HTR2C: variants seen among roughly 807,000 people sequenced by gnomAD.
HTR2C encodes 5-hydroxytryptamine receptor 2C, also known as 5-hydroxytryptamine (serotonin) receptor 2C, G protein-coupled.
HTR2C carries 5 observed loss-of-function variants against 21.0 expected under a neutral mutation model. That is an observed-to-expected ratio of 0.24 (90% confidence interval 0.12 to 0.50). The LOEUF (loss-of-function observed/expected upper bound fraction) is 0.50, where lower values mean the gene tolerates loss of function less well. HTR2C is among the 20% of genes least tolerant of loss of function. The pLI, the probability that HTR2C is intolerant of heterozygous loss-of-function variation, is 0.98. For missense variants in HTR2C, 271 were observed against 371.2 expected (o/e 0.73, Z 2.22); for synonymous variants, 150 against 145.3 (o/e 1.03, Z -0.23).
intron 1 of HTR2C, among the ~76,000 whole-genome samples, chrX:114,606,644 A>G (rs1385231883): frequency 2.7e-5 from 3 of 111,758 alleles, no homozygotes; most frequent in Non-Finnish European, 5.6e-5. Context: ...GAGGCCGTTT[A>G]CCTGATTTAA....
intron 4 of HTR2C, chrX:114,823,492 A>G (rs1042370687): frequency 2.9e-6 from 1 of 346,743 alleles, no homozygotes; most frequent in Non-Finnish European, 5.8e-6. Context: ...CTGCCAGGAA[A>G]TCCCTATTTC....
intron 4 of HTR2C, among the ~76,000 whole-genome samples, chrX:114,788,147 C>A (rs1194824111): frequency 9.0e-6 from 1 of 111,078 alleles, no homozygotes; most frequent in East Asian, 2.8e-4. Flanking sequence ...CCTGTTCCTA[C>A]CCCTGCATTT....
intron 2 of HTR2C, among the ~76,000 whole-genome samples, chrX:114,649,285 G>A (rs891843376): frequency 1.1e-4 from 12 of 112,351 alleles, no homozygotes; most frequent in Non-Finnish European, 1.9e-4. Flanking sequence ...ATAGTTGGGA[G>A]CAGATTTTGT....
At chrX:114,641,329 A>G (rs1228044893) in intron 2 of HTR2C, among the ~76,000 whole-genome samples, 1 of 111,642 alleles carries the variant, frequency 9.0e-6, no homozygotes, top group African/African-American at 3.3e-5. Flanking sequence ...CTGCTTTTGC[A>G]TAGTCCTTAT....
chrX:114,791,045 G>C (rs1274750262), intron 4 of HTR2C, among the ~76,000 whole-genome samples: 1 of 111,470 alleles, frequency 9.0e-6, no homozygotes, highest in African/African-American at 3.2e-5. Context: ...TATTCTTCTA[G>C]CAGTATCAAA....
At chrX:114,789,227 A>C (rs1419563750) in intron 4 of HTR2C, among the ~76,000 whole-genome samples, 1 of 112,358 alleles carries the variant, frequency 8.9e-6, no homozygotes, top group Non-Finnish European at 1.9e-5. Context: ...TAATTTAAAA[A>C]GAAGACTACT....
chrX:114,842,626 A>G (rs2070843356), intron 4 of HTR2C, among the ~76,000 whole-genome samples: 1 of 111,976 alleles, frequency 8.9e-6, no homozygotes, highest in South Asian at 3.7e-4. Flanking sequence ...AATGCTCAGA[A>G]GAAGCCTGGA....
intron 2 of HTR2C, among the ~76,000 whole-genome samples, chrX:114,641,472 G>A (rs1930117333): frequency 9.0e-6 from 1 of 111,095 alleles, no homozygotes; most frequent in Non-Finnish European, 1.9e-5. Context: ...TTTCTGACTA[G>A]CTCTCATAGT....
chrX:114,758,226 G>T (rs1393192959), intron 4 of HTR2C, among the ~76,000 whole-genome samples: 1 of 111,407 alleles, frequency 9.0e-6, no homozygotes, highest in Non-Finnish European at 1.9e-5. Flanking sequence ...GTCTTAAAAG[G>T]AAATAAAAGT....
At chrX:114,845,380 G>A (rs1160920564) in intron 4 of HTR2C, among the ~76,000 whole-genome samples, 1 of 109,651 alleles carries the variant, frequency 9.1e-6, no homozygotes, top group African/African-American at 3.3e-5. Flanking sequence ...GCGCTCAGAG[G>A]GAAATTTATA....
At chrX:114,611,046 A>T (rs1928706598) in intron 1 of HTR2C, among the ~76,000 whole-genome samples, 1 of 112,305 alleles carries the variant, frequency 8.9e-6, no homozygotes, top group Non-Finnish European at 1.9e-5. Flanking sequence ...TTTAAAGAAT[A>T]TCTGATTGGA....
At chrX:114,661,826 A>G (rs1930999893) in intron 2 of HTR2C, among the ~76,000 whole-genome samples, 1 of 111,906 alleles carries the variant, frequency 8.9e-6, no homozygotes, top group Non-Finnish European at 1.9e-5. Context: ...ATCTGCCATG[A>G]AAACACACAT....
chrX:114,588,050 C>T (rs1178555957), intron 1 of HTR2C, among the ~76,000 whole-genome samples: 1 of 112,472 alleles, frequency 8.9e-6, no homozygotes, highest in Non-Finnish European at 1.9e-5. Flanking sequence ...ACTTCAACCT[C>T]GCTATTCATT....
intron 1 of HTR2C, among the ~76,000 whole-genome samples, chrX:114,591,872 A>G (rs1927647197): frequency 8.9e-6 from 1 of 111,808 alleles, no homozygotes; most frequent in African/African-American, 3.2e-5. Flanking sequence ...AGGCAATTCA[A>G]TGTAATAATG....
rs1300461161 is a variant in HTR2C at position 114,811,855 on chromosome X, G to T, written c.350-36148G>T. On this transcript the variant is annotated intron_variant, in intron 4 of 5. Coordinates refer to ENST00000276198, the MANE Select transcript of HTR2C (RefSeq NM_000868.4). ...ACCAGTTCATCTCCTAAACATTCAG[G>T]GTTCCTCATGGTAAAATAACTGTTT... 2.7e-5 allele frequency among the ~76,000 whole-genome samples: 3 copies of T among 111,567 alleles called. No homozygotes were observed. In the East Asian group the frequency reaches 8.5e-4, roughly 32 times the overall value.
chrX:114,621,799 G>T (rs1929176113), intron 2 of HTR2C, among the ~76,000 whole-genome samples: 1 of 112,159 alleles, frequency 8.9e-6, no homozygotes. Context: ...TCTAGGTTGA[G>T]AAGGCTCAAT....
At position 114,720,971 on chromosome X, in the gene HTR2C, A is replaced by T. The variant is rs1488243148; in HGVS notation, c.-79-5887A>T. On this transcript the variant is annotated intron_variant, in intron 2 of 5. Coordinates refer to ENST00000276198, the MANE Select transcript of HTR2C (RefSeq NM_000868.4). ...TTGCTATTGTGAATAATGCCGCAAT[A>T]AACATACGTGTGCGTGTGTCTTTAT... Among the ~76,000 whole-genome samples, 4 of 97,015 alleles carry T rather than the reference A, an allele frequency of 4.1e-5. No homozygotes were observed. The East Asian group carries it at 1.4e-3, about 33-fold the overall frequency. 84.2% of individuals were successfully genotyped at this position (97,015 alleles called of 115,157 possible).
chrX:114,791,683 G>T (rs1556443656), intron 4 of HTR2C, among the ~76,000 whole-genome samples: 2 of 111,019 alleles, frequency 1.8e-5, no homozygotes, highest in Admixed American at 1.9e-4. Context: ...TAGGTGCTGG[G>T]TTTACAGTGA....
intron 4 of HTR2C, among the ~76,000 whole-genome samples, chrX:114,754,907 T>C (rs1453212082): frequency 8.9e-6 from 1 of 112,208 alleles, no homozygotes; most frequent in African/African-American, 3.2e-5. Flanking sequence ...TAGTTTCCTA[T>C]GTCTGCTGTA....
Sources: gnomAD v4.1 joint callset for allele counts (sites outside exome capture counted in the v4.1 genomes callset) on GRCh38, gnomAD v4.1.1 for gene constraint, MANE v1.5 for transcripts, NCBI Gene and HGNC (gene_info 2026-07-23, HGNC 2026-07-21) for gene names.